GABRG3: variants seen among roughly 807,000 people sequenced by gnomAD.
GABRG3 encodes gamma-aminobutyric acid receptor subunit gamma-3.
A neutral mutation model predicts 48.8 loss-of-function variants in GABRG3; 25 were observed. The ratio of observed to expected loss-of-function variants is 0.51; its 90% confidence interval spans 0.37 to 0.72. GABRG3 has a LOEUF of 0.72. Ranked by LOEUF, GABRG3 falls within the 30% of genes least tolerant of loss-of-function variation. The probability of loss-of-function intolerance (pLI) is 0.00; values close to 1 mark genes in which losing one functional copy is unlikely to be tolerated. For synonymous variants in GABRG3, 227 were observed against 217.6 expected, an observed-to-expected ratio of 1.04 and a Z score of -0.38; for missense variants, 394 against 577.9, an observed-to-expected ratio of 0.68 and a Z score of 3.26.
chr15:27,481,939 G>T (rs1045556119), intron 6 of GABRG3, among the ~76,000 whole-genome samples: 1 of 152,152 alleles, frequency 6.6e-6, no homozygotes, highest in Non-Finnish European at 1.5e-5. Context: ...GTCTAAGGCC[G>T]CCTGAAGGGA....
chr15:27,188,617 C>T (rs1888182985), intron 3 of GABRG3, among the ~76,000 whole-genome samples: 1 of 151,178 alleles, frequency 6.6e-6, no homozygotes, highest in Non-Finnish European at 1.5e-5. Context: ...ATTGTAGATT[C>T]TGGATATTAG....
At chr15:27,482,302 C>T (rs942130847) in intron 6 of GABRG3, among the ~76,000 whole-genome samples, 2 of 152,146 alleles carry the variant, frequency 1.3e-5, no homozygotes, top group Non-Finnish European at 2.9e-5. Flanking sequence ...CCATTTCATA[C>T]GCTCGGGACG....
chr15:27,150,151 G>A (rs1898284585), intron 3 of GABRG3, among the ~76,000 whole-genome samples: 1 of 152,048 alleles, frequency 6.6e-6, no homozygotes, highest in Non-Finnish European at 1.5e-5. Flanking sequence ...GAATAGGAAG[G>A]GTTGACCTTC....
At chr15:27,309,300 ATGTGTG>A (rs60005048) in intron 3 of GABRG3, among the ~76,000 whole-genome samples, 12 of 150,192 alleles carry the variant, frequency 8.0e-5, no homozygotes, top group African/African-American at 1.7e-4. Context: ...TGTTTTATAT[ATGTGTG>A]TGTGTGTGTG....
intron 5 of GABRG3, among the ~76,000 whole-genome samples, chr15:27,384,829 T>G (rs908415171): frequency 3.3e-5 from 5 of 152,162 alleles, no homozygotes; most frequent in African/African-American, 1.2e-4. Context: ...ATAATAACTT[T>G]CCAATATAGA....
intron 2 of GABRG3, among the ~76,000 whole-genome samples, chr15:26,996,862 C>A (rs1895351367): frequency 6.6e-6 from 1 of 152,176 alleles, no homozygotes; most frequent in East Asian, 1.9e-4. Flanking sequence ...CCGTGTTAGC[C>A]AGGATGGTTG....
intron 3 of GABRG3, among the ~76,000 whole-genome samples, chr15:27,303,456 TA>T (rs928176442): frequency 2.6e-5 from 4 of 151,742 alleles, no homozygotes; most frequent in African/African-American, 9.7e-5. Flanking sequence ...TTTCATAGTT[TA>T]AAAAAATGTT....
chr15:27,017,329 G>A (rs536722545), intron 2 of GABRG3, among the ~76,000 whole-genome samples: 6 of 152,320 alleles, frequency 3.9e-5, no homozygotes, highest in Admixed American at 6.5e-5. Context: ...AATAATGGGT[G>A]TGTTGCTTTC....
chr15:27,246,943 A>G (rs1025595049), intron 3 of GABRG3, among the ~76,000 whole-genome samples: 5 of 152,210 alleles, frequency 3.3e-5, no homozygotes, highest in African/African-American at 1.2e-4. Flanking sequence ...ATATTTGAAT[A>G]AATGTACACA....
intron 3 of GABRG3, among the ~76,000 whole-genome samples, chr15:27,215,039 G>GT (rs1889202106): frequency 6.6e-6 from 1 of 152,182 alleles, no homozygotes; most frequent in African/African-American, 2.4e-5. Flanking sequence ...GCAGATTTGT[G>GT]TTTTGCATTT....
intron 2 of GABRG3, among the ~76,000 whole-genome samples, chr15:27,025,099 T>C (rs113937969): frequency 0.013 from 1,935 of 151,702 alleles, 19 homozygotes; most frequent in South Asian, 0.021. Flanking sequence ...TGTGTGTGTG[T>C]GCGCACACTT....
At position 27,121,188 on chromosome 15, in the gene GABRG3, G is replaced by T. The variant is rs144861819; in HGVS notation, c.270+94367G>T. 3.3e-5 allele frequency among the ~76,000 whole-genome samples: 5 copies of T among 152,316 alleles called. No individual in the cohort carries two copies. In the East Asian group the frequency reaches 9.7e-4, roughly 29 times the overall value. On this transcript the variant is annotated intron_variant, in intron 3 of 9. Transcript: ENST00000615808. ...AGCCCCATGATGGGAACCAGGTAAG[G>T]AATCAAATGTCTGGTTATTCTGGAA...
chr15:27,521,730 C>T (rs1375568935), intron 7 of GABRG3, among the ~76,000 whole-genome samples: 2 of 151,788 alleles, frequency 1.3e-5, no homozygotes, highest in Non-Finnish European at 2.9e-5. Flanking sequence ...AATTCACTAA[C>T]TAGACTTAAG....
chr15:27,380,394 C>A (rs1432901042), intron 5 of GABRG3, among the ~76,000 whole-genome samples: 2 of 148,760 alleles, frequency 1.3e-5, no homozygotes, highest in Non-Finnish European at 3.0e-5. Context: ...GTTATGATGT[C>A]TTTTCTGTTT....
At chr15:27,503,518 T>C (rs1259088947) in intron 6 of GABRG3, among the ~76,000 whole-genome samples, 1 of 152,152 alleles carries the variant, frequency 6.6e-6, no homozygotes, top group East Asian at 1.9e-4. Flanking sequence ...GGCTTTTTTT[T>C]CCCTTTTTTT....
intron 5 of GABRG3, among the ~76,000 whole-genome samples, chr15:27,351,053 G>GGT (rs199877040): frequency 5.4e-4 from 81 of 149,214 alleles, no homozygotes; most frequent in Middle Eastern, 3.6e-3. Context: ...ATGTGCATAT[G>GGT]GTGTGTGTGT....
chr15:27,289,316 A>T (rs1017968964), intron 3 of GABRG3, among the ~76,000 whole-genome samples: 9 of 151,874 alleles, frequency 5.9e-5, no homozygotes, highest in Non-Finnish European at 8.8e-5. Flanking sequence ...TTTAAATCTA[A>T]CAAGTCCCTA....
chr15:27,468,439 G>T (rs1889684348), intron 5 of GABRG3, among the ~76,000 whole-genome samples: 1 of 152,200 alleles, frequency 6.6e-6, no homozygotes, highest in South Asian at 2.1e-4. Context: ...CTGTGTTAAT[G>T]AGTTGATAAT....
intron 5 of GABRG3, among the ~76,000 whole-genome samples, chr15:27,425,807 A>G (rs377033655): frequency 1.3e-3 from 200 of 152,306 alleles, no homozygotes; most frequent in African/African-American, 4.6e-3. Flanking sequence ...TAGGCCTGGA[A>G]TGGACTATTT....
Sources: allele counts gnomAD v4.1 joint callset (sites outside exome capture counted in the v4.1 genomes callset), GRCh38; gene constraint gnomAD v4.1.1; transcripts MANE v1.5; gene names NCBI Gene and HGNC (gene_info 2026-07-23, HGNC 2026-07-21).